Variants in IL1RAPL1 observed in about 807,000 individuals in gnomAD.
The protein encoded by IL1RAPL1 is interleukin-1 receptor accessory protein-like 1.
In IL1RAPL1, 3 loss-of-function variants were observed where a neutral mutation model predicts 48.4. The observed-to-expected ratio is 0.06, with a 90% CI of 0.03 to 0.16. The LOEUF is 0.16. IL1RAPL1 is among the 10% of genes least tolerant of loss of function. The pLI is 1.00. For synonymous variants in IL1RAPL1, 185 were observed against 187.7 expected (o/e 0.99, Z 0.12); for missense variants, 349 against 530.6 (o/e 0.66, Z 3.36).
intron 2 of IL1RAPL1, among the ~76,000 whole-genome samples, chrX:28,948,622 T>G (rs868444515): frequency 7.2e-5 from 8 of 111,728 alleles, no homozygotes; most frequent in South Asian, 3.7e-4. Context: ...TTATAAGAAT[T>G]TTAGATGGTA....
At chrX:28,966,439 T>C (rs1924921313) in intron 2 of IL1RAPL1, among the ~76,000 whole-genome samples, 1 of 111,646 alleles carries the variant, frequency 9.0e-6, no homozygotes, top group African/African-American at 3.3e-5. Flanking sequence ...AAGGCAGTGT[T>C]ATTTCTTGAC....
chrX:28,885,251 A>G lies in IL1RAPL1; in HGVS notation c.82+95826A>G, dbSNP rs747985219. On this transcript the variant is annotated intron_variant, in intron 2 of 10. Transcript: ENST00000378993. ...TCTACAATTTACAGAGATGTAAAAT[A>G]ACTCAAAGACGATGAAAGGCGGATA... Among the ~76,000 whole-genome samples the G allele has an allele frequency of 2.7e-5, 3 of 111,723 alleles. No individual in the cohort carries two copies. In the Admixed American group the frequency reaches 2.9e-4, roughly 11 times the overall value.
chrX:29,488,271 C>G (rs1198032014), intron 5 of IL1RAPL1, among the ~76,000 whole-genome samples: 8 of 111,646 alleles, frequency 7.2e-5, no homozygotes, highest in Non-Finnish European at 5.6e-5. Context: ...AACCCCGTCT[C>G]TACTAAAAAT....
At chrX:29,659,420 A>T (rs1031575774) in intron 5 of IL1RAPL1, among the ~76,000 whole-genome samples, 9 of 111,996 alleles carry the variant, frequency 8.0e-5, no homozygotes, top group Non-Finnish European at 1.7e-4. Flanking sequence ...ATGTGTACAT[A>T]TGCCACATTT....
intron 5 of IL1RAPL1, among the ~76,000 whole-genome samples, chrX:29,518,355 C>T (rs1169528350): frequency 9.0e-6 from 1 of 110,842 alleles, no homozygotes; most frequent in Non-Finnish European, 1.9e-5. Context: ...TCCTAAGATG[C>T]TGCATTTCTA....
intron 2 of IL1RAPL1, among the ~76,000 whole-genome samples, chrX:28,860,746 G>C (rs73452870): frequency 0.043 from 4,734 of 111,171 alleles, 160 homozygotes; most frequent in African/African-American, 0.12. Context: ...ACATGCATGA[G>C]CCACCGCACT....
At chrX:29,124,440 G>C (rs943395810) in intron 2 of IL1RAPL1, among the ~76,000 whole-genome samples, 1 of 112,204 alleles carries the variant, frequency 8.9e-6, no homozygotes, top group Non-Finnish European at 1.9e-5. Flanking sequence ...TTAGCAAAGA[G>C]TTAACTATCA....
At chrX:29,765,512 A>G (rs1308143586) in intron 6 of IL1RAPL1, among the ~76,000 whole-genome samples, 3 of 112,103 alleles carry the variant, frequency 2.7e-5, no homozygotes, top group African/African-American at 9.7e-5. Context: ...TTACATGTTT[A>G]ATACCCATTT....
At chrX:28,768,755 C>CTA (rs1207885215) in intron 1 of IL1RAPL1, among the ~76,000 whole-genome samples, 170 of 34,794 alleles carry the variant, frequency 4.9e-3, no homozygotes, top group Middle Eastern at 0.04. Flanking sequence ...CTCTCTCTCT[C>CTA]TATATATATA....
intron 6 of IL1RAPL1, among the ~76,000 whole-genome samples, chrX:29,831,358 A>G (rs1376624774): frequency 9.0e-6 from 1 of 111,507 alleles, no homozygotes; most frequent in African/African-American, 3.3e-5. Flanking sequence ...GGAGAGAAGG[A>G]TCTCAGAGGA....
intron 7 of IL1RAPL1, 80 bp from the exon 8 acceptor site, chrX:29,919,869 T>C: frequency 3.1e-6 from 3 of 964,983 alleles, no homozygotes; most frequent in Non-Finnish European, 4.5e-6. Context: ...TTACATCAGA[T>C]TCGGATTCAT....
At chrX:28,754,135 T>A (rs761635994) in intron 1 of IL1RAPL1, among the ~76,000 whole-genome samples, 26 of 111,743 alleles carry the variant, frequency 2.3e-4, no homozygotes, top group Non-Finnish European at 4.3e-4. Flanking sequence ...TATTCTTGTA[T>A]GACCTCCTCC....
At chrX:29,183,890 C>T (rs1369519813) in intron 2 of IL1RAPL1, among the ~76,000 whole-genome samples, 3 of 111,678 alleles carry the variant, frequency 2.7e-5, no homozygotes. Flanking sequence ...AATGGGTTTT[C>T]ACCATGTTGG....
chrX:29,183,979 C>T (rs1930199355), intron 2 of IL1RAPL1, among the ~76,000 whole-genome samples: 1 of 111,997 alleles, frequency 8.9e-6, no homozygotes, highest in Admixed American at 9.5e-5. Context: ...CAGGAGTGGG[C>T]CACCGTGTCC....
At chrX:29,906,841 A>G (rs1932643065) in intron 6 of IL1RAPL1, among the ~76,000 whole-genome samples, 1 of 110,412 alleles carries the variant, frequency 9.1e-6, no homozygotes, top group Admixed American at 9.8e-5. Context: ...AACTCTCCAG[A>G]CTTGACTTGC....
intron 9 of IL1RAPL1, 144 bp from the exon 10 acceptor site, chrX:29,954,378 A>G (rs756624925): frequency 1.0e-4 from 51 of 498,968 alleles, no homozygotes; most frequent in Non-Finnish European, 1.6e-4. Context: ...ATTGAACTCA[A>G]TGAAACTTAA....
intron 2 of IL1RAPL1, among the ~76,000 whole-genome samples, chrX:28,953,956 G>A (rs1285073644): frequency 9.0e-6 from 1 of 111,187 alleles, no homozygotes; most frequent in Non-Finnish European, 1.9e-5. Context: ...ATTAAGGAGA[G>A]GTTGAATTAC....
chrX:28,963,299 G>A (rs370125957), intron 2 of IL1RAPL1, among the ~76,000 whole-genome samples: 1 of 111,054 alleles, frequency 9.0e-6, no homozygotes, highest in Non-Finnish European at 1.9e-5. Context: ...GTTTAAATCT[G>A]TGGCCAGAAT....
At chrX:29,321,959 G>T (rs775283318) in intron 3 of IL1RAPL1, among the ~76,000 whole-genome samples, 4 of 110,013 alleles carry the variant, frequency 3.6e-5, no homozygotes, top group African/African-American at 9.9e-5. Flanking sequence ...AGTTTCTGAA[G>T]TATATTCTCT....
Sources: gnomAD v4.1 joint callset for allele counts (sites outside exome capture counted in the v4.1 genomes callset) on GRCh38, gnomAD v4.1.1 for gene constraint, MANE v1.5 for transcripts, NCBI Gene and HGNC (gene_info 2026-07-23, HGNC 2026-07-21) for gene names.